DMXL1: variants seen among roughly 807,000 people sequenced by gnomAD.
DMXL1 encodes Dmx like 1, also known as dmX-like protein 1.
DMXL1 carries 99 observed loss-of-function variants against 319.2 expected under a neutral mutation model. That is an observed-to-expected ratio of 0.31 (90% confidence interval 0.26 to 0.37). The LOEUF (loss-of-function observed/expected upper bound fraction) is 0.37. Among genes scored for constraint, DMXL1 ranks in the 10% least tolerant of loss-of-function variants. The pLI is 1.00. For synonymous variants in DMXL1, 1,385 were observed against 1,235.2 expected (o/e 1.12, Z -2.54); for missense variants, 3,745 against 3,595.6 (o/e 1.04, Z -1.06).
At chr5:119,180,890 A>G (rs1323031503) in intron 28 of DMXL1, among the ~76,000 whole-genome samples, 1 of 152,202 alleles carries the variant, frequency 6.6e-6, no homozygotes, top group East Asian at 1.9e-4. Context: ...TTGTTGATGT[A>G]AAATGTTAAA....
chr5:119,136,418 GA>G (rs1308132345), intron 13 of DMXL1, among the ~76,000 whole-genome samples: 1 of 152,222 alleles, frequency 6.6e-6, no homozygotes, highest in Non-Finnish European at 1.5e-5. Context: ...TGGTAGAAAA[GA>G]AAAACTCATT....
At chr5:119,188,864 T>A (rs769191015) in intron 28 of DMXL1, among the ~76,000 whole-genome samples, 9 of 152,244 alleles carry the variant, frequency 5.9e-5, no homozygotes, top group Non-Finnish European at 1.3e-4. Context: ...CAAATTGTAT[T>A]ACAGCACAAG....
chr5:119,240,602 C>A, intron 42 of DMXL1, 131 bp downstream of exon 42: 1 of 669,694 alleles, frequency 1.5e-6, no homozygotes, highest in Non-Finnish European at 2.5e-6. Context: ...CCCAGGATGG[C>A]AGGATTTGAA....
chr5:119,238,061 T>A (rs528667931), intron 40 of DMXL1, among the ~76,000 whole-genome samples: 1 of 152,236 alleles, frequency 6.6e-6, no homozygotes, highest in Non-Finnish European at 1.5e-5. Flanking sequence ...GAGGATTGAT[T>A]AGGGTACCTT....
At chr5:119,217,318 A>G (rs1483945007) in intron 35 of DMXL1, among the ~76,000 whole-genome samples, 8 of 152,168 alleles carry the variant, frequency 5.3e-5, no homozygotes, top group Admixed American at 4.6e-4. Context: ...AATATGTCAA[A>G]TGTGGTTCTG....
At chr5:119,151,488 A>G (rs898088226) in intron 18 of DMXL1, among the ~76,000 whole-genome samples, 2 of 152,144 alleles carry the variant, frequency 1.3e-5, no homozygotes, top group African/African-American at 4.8e-5. Flanking sequence ...TAGGTGTTTT[A>G]TGTTTTTAGT....
intron 3 of DMXL1, among the ~76,000 whole-genome samples, chr5:119,102,488 G>T (rs1269706730): frequency 6.6e-6 from 1 of 152,138 alleles, no homozygotes; most frequent in Non-Finnish European, 1.5e-5. Flanking sequence ...TCTGAAAACT[G>T]GTTACCCAAT....
intron 9 of DMXL1, chr5:119,128,096 C>T (rs1248146653): frequency 4.2e-6 from 2 of 476,796 alleles, no homozygotes; most frequent in East Asian, 5.5e-5. Context: ...TTACCCATTG[C>T]AAGTCTAAAT....
Position 119,116,141 on chromosome 5 carries a change from G to GTTTTTTTTTTT in DMXL1, c.565-7_565-6insTTTTTTTTTTT. Reference sequence around the variant, plus strand: ...TCTGATCTCCATGATTTTCTGTTTTGTTTTTTTTTTCCTTAGGATGACTGT... The same window carrying GTTTTTTTTTTT: ...TCTGATCTCCATGATTTTCTGTTTTGTTTTTTTTTTTTTTTTTTTTTCCTTAGGATGACTGT... On this transcript the variant is annotated splice_polypyrimidine_tract_variant and intron_variant, in intron 6 of 43. Coordinates refer to ENST00000539542, the MANE Select transcript of DMXL1 (RefSeq NM_001290321.3). 7.3e-7 allele frequency: 1 copy of GTTTTTTTTTTT among 1,374,038 alleles called. No homozygotes were observed. Among genetic ancestry groups the GTTTTTTTTTTT allele is most frequent in the Non-Finnish European group, 9.8e-7 (1 of 1,019,012 alleles). 85.1% of individuals were successfully genotyped at this position (1,374,038 alleles called of 1,614,324 possible).
intron 29 of DMXL1, among the ~76,000 whole-genome samples, chr5:119,192,175 A>G (rs1035618776): frequency 6.6e-6 from 1 of 152,148 alleles, no homozygotes; most frequent in African/African-American, 2.4e-5. Flanking sequence ...AATCAGACAA[A>G]ACTTTTTCAT....
intron 38 of DMXL1, among the ~76,000 whole-genome samples, chr5:119,225,986 GGTTGGAA>G (rs528950646): frequency 1.3e-5 from 2 of 152,124 alleles, no homozygotes; most frequent in Non-Finnish European, 2.9e-5. Context: ...TATGCAGTCT[GGTTGGAA>G]GTTTTCTGAG....
rs115919029 is a variant in DMXL1, at chr5:119,184,354, A to G, written c.7136-5354A>G. 5.3e-3 allele frequency among the ~76,000 whole-genome samples: 814 copies of G among 152,302 alleles called. 3 individuals carry two copies. Among genetic ancestry groups the G allele is most frequent in the African/African-American group, 0.019 (785 of 41,538 alleles). ...GCTGGGATTACAGGTGTGAGCCACCATGTCCTGCTTAATTCAGTATTTCTG... is the reference window on the plus strand; with the variant it reads ...GCTGGGATTACAGGTGTGAGCCACCGTGTCCTGCTTAATTCAGTATTTCTG... On this transcript the variant is annotated intron_variant, in intron 28 of 43. Transcript: ENST00000539542.
chr5:119,090,718 A>G (rs1009289748), intron 1 of DMXL1, among the ~76,000 whole-genome samples: 1 of 151,628 alleles, frequency 6.6e-6, no homozygotes, highest in Non-Finnish European at 1.5e-5. Flanking sequence ...GCCTGCTACC[A>G]TGCCTGGCTA....
chr5:119,127,936 CA>C, intron 9 of DMXL1: 1 of 373,812 alleles, frequency 2.7e-6, no homozygotes, highest in South Asian at 2.3e-5. Context: ...AACTTAGTAT[CA>C]AATGGTTTAA....
intron 38 of DMXL1, among the ~76,000 whole-genome samples, chr5:119,232,291 A>C (rs1786899525): frequency 6.6e-6 from 1 of 152,098 alleles, no homozygotes; most frequent in African/African-American, 2.4e-5. Flanking sequence ...AAAAAACTCT[A>C]CCTCCTACCG....
chr5:119,183,388 A>G (rs1014698446), intron 28 of DMXL1, among the ~76,000 whole-genome samples: 3 of 152,240 alleles, frequency 2.0e-5, no homozygotes, highest in African/African-American at 4.8e-5. Context: ...TGAATATGCC[A>G]AACATTTAAC....
At chr5:119,195,097 C>A (rs944425388) in intron 30 of DMXL1, among the ~76,000 whole-genome samples, 4 of 151,244 alleles carry the variant, frequency 2.6e-5, no homozygotes, top group Non-Finnish European at 4.4e-5. Context: ...AAAAAAATAA[C>A]AGTGCTGGCA....
In DMXL1 at chr5:119,220,613, C is replaced by T. The variant is rs773219217; in HGVS notation, c.8135+20C>T. 6.2e-7 allele frequency: 1 copy of T among 1,605,238 alleles called. No individual in the cohort carries two copies. The highest frequency in any genetic ancestry group is 8.5e-7 in the Non-Finnish European group (1 of 1,177,432). On this transcript the variant is annotated intron_variant, in intron 36 of 43. Transcript: ENST00000539542. ...CAAAGGGTACCTTCATAGTTTGTTT[C>T]TATTTAGTAATGTTGCAATATGAGT...
chr5:119,238,960 G>A, intron 40 of DMXL1, 29 bp from the exon 41 acceptor site: 1 of 1,612,296 alleles, frequency 6.2e-7, no homozygotes, highest in Non-Finnish European at 8.5e-7. Context: ...AGTGAGAGGA[G>A]TAACACGTAT....
Sources: allele counts gnomAD v4.1 joint callset (sites outside exome capture counted in the v4.1 genomes callset), GRCh38; gene constraint gnomAD v4.1.1; transcripts MANE v1.5; gene names NCBI Gene and HGNC (gene_info 2026-07-23, HGNC 2026-07-21).